The following EYS variants were observed in gnomAD, a reference collection of about 807,000 sequenced individuals.
EYS encodes protein eyes shut homolog.
In EYS, 250 loss-of-function variants were observed where a neutral mutation model predicts 282.1. The observed-to-expected ratio is 0.89, with a 90% CI of 0.80 to 0.98. The LOEUF (loss-of-function observed/expected upper bound fraction) is 0.98, where lower values mean the gene tolerates loss of function less well. EYS is among the 50% of genes least tolerant of loss of function. The pLI, the probability that EYS is intolerant of heterozygous loss-of-function variation, is 0.00. For synonymous variants in EYS, 1,355 were observed against 1,282.9 expected (o/e 1.06, Z -1.20); for missense variants, 4,016 against 3,709.0 (o/e 1.08, Z -2.15).
At chr6:64,936,844 T>C (rs1258087732) in intron 15 of EYS, among the ~76,000 whole-genome samples, 1 of 151,422 alleles carries the variant, frequency 6.6e-6, no homozygotes, top group African/African-American at 2.4e-5. Flanking sequence ...AAAATTCATA[T>C]GGAAGTACAA....
intron 30 of EYS, among the ~76,000 whole-genome samples, chr6:64,267,456 G>T (rs979745967): frequency 6.6e-6 from 1 of 151,788 alleles, no homozygotes; most frequent in Non-Finnish European, 1.5e-5. Flanking sequence ...TCCATTATCC[G>T]TGATAGCTCC....
intron 30 of EYS, among the ~76,000 whole-genome samples, chr6:64,279,027 A>G (rs987381673): frequency 1.3e-5 from 2 of 151,942 alleles, no homozygotes; most frequent in African/African-American, 2.4e-5. Flanking sequence ...TTACTAATAC[A>G]TTTTCACTAC....
At chr6:64,093,067 T>G (rs1177141285) in intron 31 of EYS, among the ~76,000 whole-genome samples, 1 of 152,200 alleles carries the variant, frequency 6.6e-6, no homozygotes, top group East Asian at 1.9e-4. Context: ...TAGTTGTAGA[T>G]ATGTGGCATT....
At chr6:65,707,063 T>C (rs572734934) in intron 1 of EYS, 72 bp downstream of exon 1, 8 of 152,278 alleles carry the variant, frequency 5.3e-5, no homozygotes. Flanking sequence ...TCTTTGTAGT[T>C]GTGTTCAGCT....
chr6:65,608,409 T>C (rs1674759546), intron 2 of EYS, among the ~76,000 whole-genome samples: 2 of 151,996 alleles, frequency 1.3e-5, no homozygotes, highest in South Asian at 4.1e-4. Flanking sequence ...GGTGAGTCAG[T>C]GAGTGAGTGC....
At chr6:65,622,667 C>T (rs557794927) in intron 2 of EYS, among the ~76,000 whole-genome samples, 15 of 151,968 alleles carry the variant, frequency 9.9e-5, no homozygotes, top group Middle Eastern at 3.4e-3. Context: ...AGCAGACTAT[C>T]ATTGTTAAGA....
chr6:65,515,861 C>A (rs1021828889), intron 2 of EYS, among the ~76,000 whole-genome samples: 1 of 150,882 alleles, frequency 6.6e-6, no homozygotes, highest in Non-Finnish European at 1.5e-5. Context: ...TTAACGGGTG[C>A]AGCACACCAG....
rs148903417 is a variant in EYS at position 64,802,223 on chromosome 6, T to A, written c.3443+11155A>T. 7.3e-4 allele frequency among the ~76,000 whole-genome samples: 111 copies of A among 151,632 alleles called. No homozygotes were observed. The Middle Eastern group carries it at 0.01, about 14-fold the overall frequency. On this transcript the variant is annotated intron_variant, in intron 22 of 42. Coordinates refer to ENST00000503581, the MANE Select transcript of EYS (RefSeq NM_001142800.2). The stretch of plus-strand genomic sequence containing the variant: ...TAATATTTTTTATTTTTAGTAGAGA[T>A]GAGATTTCACCTCTGTGGCTAACAC...
chr6:65,292,837 A>G (rs573461624), intron 12 of EYS, among the ~76,000 whole-genome samples: 4 of 151,778 alleles, frequency 2.6e-5, no homozygotes, highest in Non-Finnish European at 4.4e-5. Flanking sequence ...TGTGTTGCCA[A>G]GGTAACTTAG....
intron 12 of EYS, among the ~76,000 whole-genome samples, chr6:65,138,513 A>T (rs556707709): frequency 6.6e-6 from 1 of 152,252 alleles, no homozygotes; most frequent in Admixed American, 6.5e-5. Flanking sequence ...AATGGCTAAC[A>T]ATCCTGGACA....
intron 22 of EYS, among the ~76,000 whole-genome samples, chr6:64,759,005 G>T (rs896668820): frequency 6.6e-6 from 1 of 152,150 alleles, no homozygotes; most frequent in Admixed American, 6.5e-5. Context: ...CAGACGTGAT[G>T]GCGGGCGCCT....
At chr6:64,870,126 G>A (rs1012112941) in intron 19 of EYS, among the ~76,000 whole-genome samples, 1 of 151,522 alleles carries the variant, frequency 6.6e-6, no homozygotes, top group East Asian at 1.9e-4. Context: ...ATGGATAATG[G>A]TTTCTTTACA....
chr6:65,178,416 TG>T (rs1230887886), intron 12 of EYS, among the ~76,000 whole-genome samples: 1 of 151,946 alleles, frequency 6.6e-6, no homozygotes, highest in East Asian at 2.0e-4. Flanking sequence ...GTAAAGAGAA[TG>T]GGGGGTGGAG....
chr6:65,623,120 T>C (rs1016164712), intron 2 of EYS, among the ~76,000 whole-genome samples: 1 of 152,046 alleles, frequency 6.6e-6, no homozygotes, highest in Non-Finnish European at 1.5e-5. Flanking sequence ...TTACTTCTAA[T>C]TACAGAATTG....
At chr6:64,993,180 C>T (rs1486255405) in intron 14 of EYS, among the ~76,000 whole-genome samples, 1 of 152,056 alleles carries the variant, frequency 6.6e-6, no homozygotes, top group African/African-American at 2.4e-5. Context: ...ATAAGCGACT[C>T]TCAAATAATT....
intron 4 of EYS, 38 bp from the exon 5 acceptor site, chr6:65,490,745 T>C (rs750325163): frequency 6.7e-6 from 7 of 1,047,182 alleles, no homozygotes; most frequent in Non-Finnish European, 1.0e-5. Context: ...ACATTGGATA[T>C]CAATATTATA....
At chr6:64,231,549 T>C (rs1319587575) in intron 30 of EYS, among the ~76,000 whole-genome samples, 1 of 152,166 alleles carries the variant, frequency 6.6e-6, no homozygotes, top group Non-Finnish European at 1.5e-5. Context: ...GTTTGTTTAA[T>C]ATACTTTTTA....
At chr6:65,656,335 G>A (rs1346760781) in intron 1 of EYS, among the ~76,000 whole-genome samples, 1 of 151,870 alleles carries the variant, frequency 6.6e-6, no homozygotes. Context: ...AAGGCAGGCT[G>A]AAAGCTGAGA....
At chr6:64,001,477 T>C (rs1768090783) in intron 33 of EYS, among the ~76,000 whole-genome samples, 1 of 152,204 alleles carries the variant, frequency 6.6e-6, no homozygotes. Flanking sequence ...CTTAACATTT[T>C]TGCACTTTAG....
Sources: gnomAD v4.1 joint callset for allele counts (sites outside exome capture counted in the v4.1 genomes callset) on GRCh38, gnomAD v4.1.1 for gene constraint, MANE v1.5 for transcripts, NCBI Gene and HGNC (gene_info 2026-07-23, HGNC 2026-07-21) for gene names.